The following EPHA4 variants were observed in gnomAD, a reference collection of about 807,000 sequenced individuals.
The protein encoded by EPHA4 is ephrin type-A receptor 4.
In EPHA4, 19 loss-of-function variants were observed where a neutral mutation model predicts 108.3. The observed-to-expected ratio is 0.18, with a 90% CI of 0.12 to 0.26. EPHA4 has a LOEUF of 0.26. EPHA4 is among the 10% of genes least tolerant of loss of function. The pLI is 1.00. For synonymous variants in EPHA4, 449 were observed against 455.5 expected (o/e 0.99, Z 0.18); for missense variants, 917 against 1,254.0 (o/e 0.73, Z 4.06).
intron 9 of EPHA4, among the ~76,000 whole-genome samples, chr2:221,444,151 T>G (rs1014097677): frequency 7.2e-6 from 1 of 138,196 alleles, no homozygotes; most frequent in African/African-American, 3.1e-5. Flanking sequence ...GAATACAGAC[T>G]CTGTAGTGGA....
intron 4 of EPHA4, among the ~76,000 whole-genome samples, chr2:221,497,582 C>G (rs1692336348): frequency 6.6e-6 from 1 of 151,764 alleles, no homozygotes; most frequent in Non-Finnish European, 1.5e-5. Flanking sequence ...CTACTAAAAA[C>G]AAAAACAAAA....
At chr2:221,511,473 C>G (rs1692827303) in intron 3 of EPHA4, among the ~76,000 whole-genome samples, 1 of 150,094 alleles carries the variant, frequency 6.7e-6, no homozygotes. Context: ...TACCTCACTT[C>G]CGATTTCTGT....
intron 8 of EPHA4, among the ~76,000 whole-genome samples, chr2:221,450,593 C>T (rs973096563): frequency 2.0e-5 from 3 of 152,180 alleles, no homozygotes; most frequent in African/African-American, 7.2e-5. Context: ...CAGCAACTAA[C>T]TCACCATGTG....
chr2:221,504,813 C>T (rs934019650), intron 3 of EPHA4, among the ~76,000 whole-genome samples: 3 of 152,138 alleles, frequency 2.0e-5, no homozygotes, highest in South Asian at 2.1e-4. Context: ...ACAGGGTTTT[C>T]AGTAACTTGT....
At chr2:221,572,027 C>T (rs1298198260) in intron 1 of EPHA4, 131 bp downstream of exon 1, 4 of 768,390 alleles carry the variant, frequency 5.2e-6, no homozygotes, top group Non-Finnish European at 8.8e-6. Flanking sequence ...CCTCAGCCCC[C>T]TTCTCCCGAA....
rs191085424 is a variant in EPHA4 at position 221,561,429 on chromosome 2, A to T, written c.823+2302T>A. ...AGTTAATCATTTTATTAGCAGAAAAAAAAGCAAAATAACAAAAACAAAAAA... is the reference window on the plus strand; with the variant it reads ...AGTTAATCATTTTATTAGCAGAAAATAAAGCAAAATAACAAAAACAAAAAA... On this transcript the variant is annotated intron_variant, in intron 3 of 17. Coordinates refer to ENST00000281821, the MANE Select transcript of EPHA4 (RefSeq NM_004438.5). Among the ~76,000 whole-genome samples the T allele has an allele frequency of 1.1e-4, 16 of 152,302 alleles. No homozygotes were observed. In the East Asian group the frequency reaches 3.1e-3, roughly 29 times the overall value.
At chr2:221,525,040 C>T in intron 3 of EPHA4, among the ~76,000 whole-genome samples, 1 of 101,546 alleles carries the variant, frequency 9.8e-6, no homozygotes, top group South Asian at 2.6e-4. Flanking sequence ...AATTTTATAG[C>T]CTTTTGAAAG....
At chr2:221,427,537 G>A (rs1326227054) in intron 15 of EPHA4, among the ~76,000 whole-genome samples, 11 of 152,002 alleles carry the variant, frequency 7.2e-5, no homozygotes, top group Admixed American at 5.9e-4. Context: ...GGCCTTCATG[G>A]GGTTATTTTA....
chr2:221,436,824 C>T (rs531032158), intron 12 of EPHA4, among the ~76,000 whole-genome samples: 1 of 152,170 alleles, frequency 6.6e-6, no homozygotes, highest in Middle Eastern at 3.2e-3. Context: ...AATTATCCAA[C>T]TGTAATGAAT....
At chr2:221,536,959 A>G (rs1476349802) in intron 3 of EPHA4, among the ~76,000 whole-genome samples, 1 of 152,266 alleles carries the variant, frequency 6.6e-6, no homozygotes, top group African/African-American at 2.4e-5. Context: ...CCAAGTTCTC[A>G]TCAGGTAAAT....
At chr2:221,466,963 G>T (rs922196946) in intron 5 of EPHA4, among the ~76,000 whole-genome samples, 2 of 152,134 alleles carry the variant, frequency 1.3e-5, no homozygotes. Context: ...CAGCAACAAC[G>T]TAAATCTTTC....
intron 8 of EPHA4, among the ~76,000 whole-genome samples, chr2:221,453,484 C>G (rs927884405): frequency 6.6e-6 from 1 of 152,064 alleles, no homozygotes; most frequent in African/African-American, 2.4e-5. Context: ...TGGCAATGTA[C>G]AAGAAAGAGG....
At chr2:221,526,644 C>T (rs1693332199) in intron 3 of EPHA4, among the ~76,000 whole-genome samples, 1 of 151,606 alleles carries the variant, frequency 6.6e-6, no homozygotes, top group East Asian at 1.9e-4. Flanking sequence ...GTCAGGAGTT[C>T]CAGACCAGCC....
chr2:221,466,165 C>T (rs964503504), intron 5 of EPHA4, among the ~76,000 whole-genome samples: 1 of 152,192 alleles, frequency 6.6e-6, no homozygotes, highest in Non-Finnish European at 1.5e-5. Flanking sequence ...TGAATGAAAT[C>T]GGCAGAATCG....
chr2:221,445,992 T>G (rs1161053641), intron 9 of EPHA4, 131 bp downstream of exon 9: 1 of 417,688 alleles, frequency 2.4e-6, no homozygotes, highest in Non-Finnish European at 3.9e-6. Flanking sequence ...GGAAGTACAT[T>G]ATTGGGATAA....
chr2:221,479,629 G>A (rs140061141), intron 5 of EPHA4, among the ~76,000 whole-genome samples: 35 of 152,248 alleles, frequency 2.3e-4, no homozygotes, highest in African/African-American at 8.2e-4. Context: ...TAGAGTTTAC[G>A]GTTGCTACAT....
At chr2:221,550,418 GGAGAGAGAGA>G (rs71406572) in intron 3 of EPHA4, among the ~76,000 whole-genome samples, 73 of 135,666 alleles carry the variant, frequency 5.4e-4, no homozygotes, top group African/African-American at 8.5e-4. Flanking sequence ...TGAGGAAAGG[GGAGAGAGAGA>G]GAGAGAGAGA....
At chr2:221,535,916 C>A (rs1693656502) in intron 3 of EPHA4, among the ~76,000 whole-genome samples, 1 of 152,158 alleles carries the variant, frequency 6.6e-6, no homozygotes, top group Non-Finnish European at 1.5e-5. Flanking sequence ...CAAACTCTTC[C>A]TCTGCTCTTC....
intron 14 of EPHA4, among the ~76,000 whole-genome samples, chr2:221,432,128 T>A (rs948556933): frequency 9.9e-6 from 1 of 100,740 alleles, no homozygotes; most frequent in African/African-American, 6.8e-5. Context: ...ATATATATTG[T>A]TTTTTTATAT....
Sources: allele counts gnomAD v4.1 joint callset (sites outside exome capture counted in the v4.1 genomes callset), GRCh38; gene constraint gnomAD v4.1.1; transcripts MANE v1.5; gene names NCBI Gene and HGNC (gene_info 2026-07-23, HGNC 2026-07-21).